Variants in DSC2 observed in about 807,000 individuals in gnomAD.
The protein encoded by DSC2 is desmocollin-2.
A neutral mutation model predicts 87.6 loss-of-function variants in DSC2; 51 were observed. The observed-to-expected ratio is 0.58, with a 90% CI of 0.46 to 0.74. The LOEUF is 0.74. Among genes scored for constraint, DSC2 ranks in the 30% least tolerant of loss-of-function variants. DSC2 has a pLI of 0.00. For missense variants in DSC2, 1,066 were observed against 1,089.5 expected (o/e 0.98, Z 0.30); for synonymous variants, 383 against 393.2 (o/e 0.97, Z 0.31).
Position 31,079,989 on chromosome 18 carries a change from C to T in DSC2, c.1521G>A (p.Arg507=), listed in dbSNP as rs1444350890. 1.4e-5 allele frequency: 23 copies of T among 1,613,176 alleles called. No individual in the cohort carries two copies. In the Admixed American group the frequency reaches 3.0e-4, roughly 21 times the overall value. The stretch of plus-strand genomic sequence containing the variant: ...CTGTTGGATCAGTTAATTTCTTATA[C>T]CTGTTGGTAATGATGAATTAAAATA... ...DPETRSSSGI[R]YKKLTDPTGW... is the part of the protein sequence containing the mutation. The change falls in exon 11 of 16, where the codon AGG becomes AGA. Residue 507 remains arginine, a splice_region_variant and synonymous_variant. Transcript: ENST00000280904.
At chr18:31,086,885 C>T (rs916684616) in intron 6 of DSC2, 143 bp from the exon 7 acceptor site, 8 of 828,324 alleles carry the variant, frequency 9.7e-6, no homozygotes, top group Admixed American at 2.2e-5. Flanking sequence ...ATTTGCAGAC[C>T]TCTCCATACA....
chr18:31,089,310 G>A, intron 5 of DSC2, 129 bp downstream of exon 5: 1 of 926,844 alleles, frequency 1.1e-6, no homozygotes, highest in Non-Finnish European at 1.7e-6. Flanking sequence ...TCAATTATGT[G>A]CTATTAGGGA....
At chr18:31,074,099 T>C (rs1389830207) in intron 12 of DSC2, among the ~76,000 whole-genome samples, 1 of 152,192 alleles carries the variant, frequency 6.6e-6, no homozygotes, top group Non-Finnish European at 1.5e-5. Flanking sequence ...TCAGGACCAC[T>C]CTGAAGGCCC....
intron 14 of DSC2, among the ~76,000 whole-genome samples, chr18:31,069,714 C>CAAAAAAAAAAAAAA (rs199681007): frequency 1.2e-5 from 1 of 85,314 alleles, no homozygotes. Context: ...GATCTTGTCT[C>CAAAAAAAAAAAAAA]AAAAAAAAAA....
At position 31,080,310 on chromosome 18, in the gene DSC2, C is replaced by G; in HGVS notation, c.1306G>C (p.Gly436Arg). Residue 436 changes from glycine to arginine, a missense_variant, in exon 10 of 16, where the codon GGT becomes CGT. By Grantham distance (125) the Gly-to-Arg change is moderately radical (BLOSUM62 -2). Coordinates refer to ENST00000280904, the MANE Select transcript of DSC2 (RefSeq NM_024422.6). ...GAAAATGGAGCTTCATTAACTACAC[C>G]AATTTGCAAGATCATCTGTTGCTTT... ...EEKQQMILQI[G>R]VVNEAPFSRE... The G allele has an allele frequency of 6.2e-7, 1 of 1,613,972 alleles. No homozygotes were observed. The highest frequency in any genetic ancestry group is 8.5e-7 in the Non-Finnish European group (1 of 1,179,934).
chr18:31,100,888 T>C (rs1489378702), intron 1 of DSC2, among the ~76,000 whole-genome samples: 3 of 151,906 alleles, frequency 2.0e-5, no homozygotes, highest in Non-Finnish European at 4.4e-5. Flanking sequence ...TATCCCCAAT[T>C]CCCCAGACGC....
rs1329133000 is a variant in DSC2 at position 31,091,160 on chromosome 18, GAC to G, written c.355-15_355-14del. On this transcript the variant is annotated splice_polypyrimidine_tract_variant and intron_variant, in intron 3 of 15. Coordinates refer to ENST00000280904, the MANE Select transcript of DSC2 (RefSeq NM_024422.6). ...TTTTCTTTAGGACCTCAATTCATAA[GAC>G]AGGAAAAAATAATAAAGTCAATGAC... is the stretch of plus-strand genomic sequence containing the variant. 6.2e-7 allele frequency: 1 copy of G among 1,613,346 alleles called. No individual in the cohort carries two copies. The highest frequency in any genetic ancestry group is 8.5e-7 in the Non-Finnish European group (1 of 1,179,636).
chr18:31,088,843 G>T (rs1420085149), intron 5 of DSC2, among the ~76,000 whole-genome samples: 1 of 151,986 alleles, frequency 6.6e-6, no homozygotes, highest in African/African-American at 2.4e-5. Context: ...CTATAAAGAG[G>T]TTCACAGATC....
At chr18:31,070,927 C>A (rs1567972707) in intron 13 of DSC2, 77 bp from the exon 14 acceptor site, 2 of 1,505,918 alleles carry the variant, frequency 1.3e-6, no homozygotes, top group Non-Finnish European at 1.8e-6. Flanking sequence ...TTAATACACA[C>A]ATAAATCATA....
intron 12 of DSC2, among the ~76,000 whole-genome samples, chr18:31,072,563 G>A (rs766302835): frequency 7.9e-5 from 12 of 152,048 alleles, no homozygotes; most frequent in African/African-American, 2.2e-4. Context: ...TGAGACACAC[G>A]TCTCTCAAAC....
At chr18:31,097,287 CAAAA>C (rs561171723) in intron 1 of DSC2, among the ~76,000 whole-genome samples, 1 of 74,000 alleles carries the variant, frequency 1.4e-5, no homozygotes, top group Non-Finnish European at 2.8e-5. Context: ...GACTCAGTCT[CAAAA>C]AAAAAAAAAA....
chr18:31,080,885 G>A (rs1987197347), intron 9 of DSC2, among the ~76,000 whole-genome samples: 1 of 152,116 alleles, frequency 6.6e-6, no homozygotes, highest in South Asian at 2.1e-4. Flanking sequence ...AAACCCAGTG[G>A]TGGTGGAGAC....
chr18:31,093,051 G>A (rs1371367921), intron 2 of DSC2, among the ~76,000 whole-genome samples: 1 of 152,062 alleles, frequency 6.6e-6, no homozygotes. Context: ...TACTACATTA[G>A]TTTTATCTAC....
chr18:31,084,626 TTG>T (rs1360438820), intron 7 of DSC2, among the ~76,000 whole-genome samples: 1 of 152,048 alleles, frequency 6.6e-6, no homozygotes, highest in African/African-American at 2.4e-5. Flanking sequence ...ACTTCTGTGA[TTG>T]TTTGATTTAG....
intron 9 of DSC2, 27 bp downstream of exon 9, chr18:31,082,211 A>G: frequency 6.9e-6 from 11 of 1,593,990 alleles, no homozygotes; most frequent in Non-Finnish European, 9.4e-6. Flanking sequence ...ATTATAAACT[A>G]CAAATAATGT....
In DSC2 at chr18:31,062,354, G is replaced by C. The variant is rs977220794; in HGVS notation, c.*5661C>G. ...ATTTCTTGAATTTCTAAACATAAGTGGTTTTTAGTTGCTTTTCCTCAGGTG... is the reference window on the plus strand; with the variant it reads ...ATTTCTTGAATTTCTAAACATAAGTCGTTTTTAGTTGCTTTTCCTCAGGTG... On this transcript the variant is annotated 3_prime_UTR_variant, in exon 16 of 16. Transcript: ENST00000280904. The C allele has an allele frequency of 1.3e-5, 2 of 151,620 alleles. No individual in the cohort carries two copies. Among genetic ancestry groups the C allele is most frequent in the Non-Finnish European group, 2.9e-5 (2 of 67,972 alleles). 9.4% of individuals were successfully genotyped at this position (151,620 alleles called of 1,614,324 possible). A position where few individuals can be genotyped will look rare whatever the true frequency, so the allele number is the denominator to read the frequency against.
intron 5 of DSC2, among the ~76,000 whole-genome samples, chr18:31,088,093 T>A (rs1179697709): frequency 6.6e-6 from 1 of 152,218 alleles, no homozygotes; most frequent in African/African-American, 2.4e-5. Flanking sequence ...AGTGTAACAA[T>A]TTTTACTGTT....
At chr18:31,084,521 G>A (rs150405331) in intron 7 of DSC2, among the ~76,000 whole-genome samples, 241 of 152,190 alleles carry the variant, frequency 1.6e-3, no homozygotes, top group Non-Finnish European at 2.6e-3. Flanking sequence ...GAATCCTGAG[G>A]TCAAAAAGTT....
intron 3 of DSC2, among the ~76,000 whole-genome samples, chr18:31,091,831 A>C (rs1598590982): frequency 6.6e-6 from 1 of 152,192 alleles, no homozygotes; most frequent in Non-Finnish European, 1.5e-5. Flanking sequence ...AAGCTCAAAA[A>C]AAAAATGCTG....
Sources: allele counts gnomAD v4.1 joint callset (sites outside exome capture counted in the v4.1 genomes callset), GRCh38; gene constraint gnomAD v4.1.1; transcripts MANE v1.5; gene names NCBI Gene and HGNC (gene_info 2026-07-23, HGNC 2026-07-21).